The following MDN1 variants were observed in gnomAD, a reference collection of about 807,000 sequenced individuals.
The protein encoded by MDN1 is midasin AAA ATPase 1.
In MDN1, 266 loss-of-function variants were observed where a neutral mutation model predicts 669.2. That is an observed-to-expected ratio of 0.40 (90% CI 0.36 to 0.44). MDN1 has a LOEUF of 0.44. Ranked by LOEUF, MDN1 falls within the 20% of genes least tolerant of loss-of-function variation. The probability of loss-of-function intolerance (pLI) is 1.00; values close to 1 mark genes in which losing one functional copy is unlikely to be tolerated. For synonymous variants in MDN1, 2,385 were observed against 2,457.1 expected (o/e 0.97, Z 0.87); for missense variants, 5,940 against 6,754.0 (o/e 0.88, Z 4.22).
At chr6:89,651,974 C>A (rs1808903594) in intron 95 of MDN1, among the ~76,000 whole-genome samples, 1 of 152,144 alleles carries the variant, frequency 6.6e-6, no homozygotes, top group Non-Finnish European at 1.5e-5. Flanking sequence ...AGGAATTAAG[C>A]ACACCAATTT....
At chr6:89,666,039 T>C (rs922051334) in intron 84 of MDN1, among the ~76,000 whole-genome samples, 1 of 152,118 alleles carries the variant, frequency 6.6e-6, no homozygotes, top group Non-Finnish European at 1.5e-5. Flanking sequence ...AGACTCTGTC[T>C]CCAAAATACA....
At chr6:89,803,891 T>C (rs1287554540) in intron 1 of MDN1, among the ~76,000 whole-genome samples, 3 of 61,314 alleles carry the variant, frequency 4.9e-5, no homozygotes, top group Non-Finnish European at 6.8e-5. Context: ...TTTTCTTTTC[T>C]TTTCTTTTTT....
chr6:89,752,953 T>A (rs1037243159), intron 22 of MDN1, among the ~76,000 whole-genome samples: 2 of 151,996 alleles, frequency 1.3e-5, no homozygotes, highest in African/African-American at 4.8e-5. Context: ...TGGAACCCAG[T>A]CCCTACTAAA....
Position 89,706,174 on chromosome 6 carries a change from G to A in MDN1, c.8033C>T (p.Thr2678Ile), listed in dbSNP as rs751002826. ...ATTGACCACAATTTCATGGGGCAGA[G>A]TGTGATAGCTTTCTGGATCTGAGAG... ...EFHQDPESYH[T>I]LPHEIVVNLA... The change falls in exon 53 of 102, where the codon ACT (threonine) becomes ATT (isoleucine). Residue 2678 changes from threonine to isoleucine, a missense_variant. This residue lies in a region of MDN1 where 2,292 missense variants were observed against 2,638.3 expected (regional missense o/e 0.87). Transcript: ENST00000369393. 1.9e-6 allele frequency: 3 copies of A among 1,612,598 alleles called. No homozygotes were observed. Among genetic ancestry groups the A allele is most frequent in the Admixed American group, 1.7e-5 (1 of 59,648 alleles).
intron 84 of MDN1, among the ~76,000 whole-genome samples, chr6:89,666,209 C>T (rs560048847): frequency 6.6e-6 from 1 of 152,330 alleles, no homozygotes; most frequent in South Asian, 2.1e-4. Flanking sequence ...ACCTGCCTCC[C>T]AACATCTTTT....
chr6:89,674,066 A>G, intron 79 of MDN1, 38 bp downstream of exon 79: 2 of 1,602,786 alleles, frequency 1.2e-6, no homozygotes, highest in Non-Finnish European at 1.7e-6. Context: ...ATAAGGACCT[A>G]AGCACACAGA....
intron 2 of MDN1, among the ~76,000 whole-genome samples, chr6:89,802,723 T>C (rs990416286): frequency 1.1e-4 from 16 of 151,988 alleles, no homozygotes; most frequent in South Asian, 4.1e-4. Context: ...AAATGTCCTA[T>C]TGGTACACAG....
In MDN1 at chr6:89,682,844, G is replaced by A. The variant is rs1811737072; in HGVS notation, c.12102+288C>T. ...GTGCCTGTGGTCCCAGCACTCAGGA[G>A]GTTGACGTGGAAGGATCATTTGAGT... On this transcript the variant is annotated intron_variant, in intron 73 of 101. Transcript: ENST00000369393. Among the ~76,000 whole-genome samples the A allele has an allele frequency of 2.0e-5, 3 of 150,450 alleles. No homozygotes were observed. In the South Asian group the frequency reaches 6.3e-4, roughly 32 times the overall value.
At chr6:89,648,926 C>T (rs1011000251) in intron 97 of MDN1, among the ~76,000 whole-genome samples, 5 of 150,828 alleles carry the variant, frequency 3.3e-5, no homozygotes, top group African/African-American at 1.2e-4. Flanking sequence ...AAGGTTGAGG[C>T]CACAGTGAGC....
intron 32 of MDN1, 115 bp from the exon 33 acceptor site, chr6:89,738,570 A>G (rs991224902): frequency 3.6e-6 from 4 of 1,106,550 alleles, no homozygotes; most frequent in Non-Finnish European, 5.1e-6. Context: ...CACACTTTTA[A>G]AAATTATTTC....
At chr6:89,782,608 AAT>A (rs1818738119) in intron 9 of MDN1, among the ~76,000 whole-genome samples, 46 of 820 alleles carry the variant, frequency 0.056, no homozygotes, top group East Asian at 0.18. Context: ...CTCAAAAAAT[AAT>A]AATAATAATA....
At position 89,777,851 on chromosome 6, in the gene MDN1, C is replaced by A. The variant is rs1240489195; in HGVS notation, c.1726-1156G>T. 3.3e-5 allele frequency among the ~76,000 whole-genome samples: 5 copies of A among 152,076 alleles called. No homozygotes were observed. In the South Asian group the frequency reaches 8.3e-4, roughly 25 times the overall value. On this transcript the variant is annotated intron_variant, in intron 11 of 101. Transcript: ENST00000369393. ...ATCAGCAGGCACCCATTCCCTAGTACCCTGCCCACCAAATTATCCATAAAA... is the reference window on the plus strand; with the variant it reads ...ATCAGCAGGCACCCATTCCCTAGTAACCTGCCCACCAAATTATCCATAAAA...
chr6:89,726,353 T>C (rs1435862315), intron 37 of MDN1, among the ~76,000 whole-genome samples: 1 of 150,922 alleles, frequency 6.6e-6, no homozygotes, highest in Non-Finnish European at 1.5e-5. Flanking sequence ...GCTACTCAGG[T>C]GGCTGAGGCA....
intron 80 of MDN1, 51 bp downstream of exon 80, chr6:89,673,185 A>C (rs776341351): frequency 2.1e-6 from 3 of 1,428,640 alleles, no homozygotes; most frequent in Non-Finnish European, 3.0e-6. Context: ...CATCTATAAG[A>C]CATCATTTCT....
chr6:89,702,052 A>G lies in MDN1; in HGVS notation c.8158T>C (p.Ser2720Pro). ...SDASANEILG[S>P]LRWRDRFWTV... ...CAGAACCGGTCCCGCCACCGCAGAGAACCTAAGATCTAAAAACAAAGTCTC... is the reference window on the plus strand; with the variant it reads ...CAGAACCGGTCCCGCCACCGCAGAGGACCTAAGATCTAAAAACAAAGTCTC... The change falls in exon 54 of 102, where the codon TCT becomes CCT. Residue 2720 changes from serine (S) to proline (P), a missense_variant. This residue lies in a region of MDN1 where 2,292 missense variants were observed against 2,638.3 expected (regional missense o/e 0.87). Transcript: ENST00000369393. The G allele has an allele frequency of 6.3e-7, 1 of 1,594,862 alleles. No homozygotes were observed. Among genetic ancestry groups the G allele is most frequent in the Non-Finnish European group, 8.5e-7 (1 of 1,173,792 alleles).
At position 89,699,003 on chromosome 6, in the gene MDN1, G is replaced by C. The variant is rs375675251; in HGVS notation, c.9030C>G (p.Ser3010=). The C allele has an allele frequency of 2.5e-6, 4 of 1,613,368 alleles. No homozygotes were observed. The highest frequency in any genetic ancestry group is 3.4e-6 in the Non-Finnish European group (4 of 1,179,648). ...VSPEEITSLW[S]ELFNSMFMSF... is the part of the protein sequence containing the mutation. ...ACATAAACATGGAATTAAATAACTC[G>C]GACCACAAAGATGTAATTTCTTCAG... is the stretch of plus-strand genomic sequence containing the variant. Residue 3010 remains serine, a synonymous_variant, in exon 59 of 102, where the codon TCC becomes TCG. Coordinates refer to ENST00000369393, the MANE Select transcript of MDN1 (RefSeq NM_014611.3).
intron 99 of MDN1, 56 bp from the exon 100 acceptor site, chr6:89,646,659 G>C (rs534214467): frequency 1.4e-6 from 2 of 1,441,228 alleles, no homozygotes; most frequent in African/African-American, 2.8e-5. Flanking sequence ...TCTTCTCATT[G>C]TCAAAGAGAC....
intron 19 of MDN1, among the ~76,000 whole-genome samples, chr6:89,756,704 C>T (rs74890005): frequency 3.9e-5 from 6 of 152,176 alleles, no homozygotes; most frequent in South Asian, 2.1e-4. Flanking sequence ...CGGTGGATCA[C>T]GAGGTCAGGA....
At chr6:89,702,446 A>G (rs1813224097) in intron 53 of MDN1, among the ~76,000 whole-genome samples, 2 of 152,254 alleles carry the variant, frequency 1.3e-5, no homozygotes, top group Admixed American at 1.3e-4. Flanking sequence ...TTCTTTGCCA[A>G]TACTTGCTGT....
Sources: allele counts gnomAD v4.1 joint callset (sites outside exome capture counted in the v4.1 genomes callset), GRCh38; gene constraint gnomAD v4.1.1; regional missense constraint gnomAD v4.1.1; transcripts MANE v1.5; gene names NCBI Gene and HGNC (gene_info 2026-07-23, HGNC 2026-07-21).